Variants in TRPV1 observed in about 807,000 individuals in gnomAD.
TRPV1 encodes the protein OTRPC1.
TRPV1 carries 82 observed loss-of-function variants against 82.3 expected under a neutral mutation model. The ratio of observed to expected loss-of-function variants is 1.00; its 90% CI spans 0.83 to 1.20. The LOEUF is 1.20. Ranked by LOEUF, TRPV1 falls within the 50% of genes most tolerant of loss-of-function variation. TRPV1 has a pLI of 0.00. For synonymous variants in TRPV1, 515 were observed against 467.7 expected (o/e 1.10, Z -1.30); for missense variants, 1,067 against 1,096.8 (o/e 0.97, Z 0.38).
rs773966570 is a variant in TRPV1 at position 3,566,811 on chromosome 17, G to A, written c.*4C>T. 12 of 1,613,210 alleles carry A rather than the reference G, an allele frequency of 7.4e-6. No homozygotes were observed. Among genetic ancestry groups the A allele is most frequent in the South Asian group, 5.5e-5 (5 of 91,028 alleles). ...GTGTTGACAGTGCTGTCTGCGTGAC[G>A]TCCTCACTTCTCCCCGGAAGCGGCA... is the stretch of plus-strand genomic sequence containing the variant. On this transcript the variant is annotated 3_prime_UTR_variant, in exon 17 of 17. Coordinates refer to ENST00000572705, the MANE Select transcript of TRPV1 (RefSeq NM_080704.4).
In TRPV1 at chr17:3,585,767, C is replaced by G; in HGVS notation, c.1383+1G>C. 2.5e-6 allele frequency: 4 copies of G among 1,612,660 alleles called. No homozygotes were observed. The highest frequency in any genetic ancestry group is 2.5e-6 in the Non-Finnish European group (3 of 1,179,340). ...CACGAGGCCTGAGCCTCTGGCCGCA[C>G]CAAGCCATCCACGGGCCTGTAGTAG... is the stretch of plus-strand genomic sequence containing the variant. On this transcript the variant is annotated splice_donor_variant, in intron 9 of 16. Coordinates refer to ENST00000572705, the MANE Select transcript of TRPV1 (RefSeq NM_080704.4). LOFTEE classifies it high-confidence loss of function.
chr17:3,579,403 C>A (rs2074975978), intron 11 of TRPV1, among the ~76,000 whole-genome samples: 1 of 152,040 alleles, frequency 6.6e-6, no homozygotes, highest in Non-Finnish European at 1.5e-5. Flanking sequence ...CCTGGAAGGC[C>A]CTCGGTGCAC....
chr17:3,587,924 AT>A (rs1323996200), intron 8 of TRPV1, among the ~76,000 whole-genome samples: 3 of 151,900 alleles, frequency 2.0e-5, no homozygotes, highest in African/African-American at 7.3e-5. Flanking sequence ...GAAACTGTGC[AT>A]TTTTAAATAG....
chr17:3,583,828 T>TC (rs1227966085), intron 9 of TRPV1, among the ~76,000 whole-genome samples: 1 of 152,204 alleles, frequency 6.6e-6, no homozygotes, highest in East Asian at 1.9e-4. Context: ...TGTCAGGGAC[T>TC]CCCACTGACC....
intron 13 of TRPV1, among the ~76,000 whole-genome samples, chr17:3,575,725 C>G (rs745866652): frequency 6.6e-6 from 1 of 152,110 alleles, no homozygotes; most frequent in Non-Finnish European, 1.5e-5. Flanking sequence ...AGAAGTGAGA[C>G]GGACATCATG....
At chr17:3,587,876 C>T (rs1448119251) in intron 8 of TRPV1, among the ~76,000 whole-genome samples, 1 of 150,312 alleles carries the variant, frequency 6.7e-6, no homozygotes, top group African/African-American at 2.4e-5. Flanking sequence ...GGTTGTTGTA[C>T]ATTGTGTATA....
rs1348996706 is a variant in TRPV1 at position 3,589,804 on chromosome 17, T to C, written c.1044+3A>G. On this transcript the variant is annotated splice_donor_region_variant and intron_variant, in intron 7 of 16. Transcript: ENST00000572705. ...ACCAGCCTGAGCCGAAGCCCCCTCT[T>C]ACCCCGATCTTCCCGGTCCCAGCTG... 3.1e-6 allele frequency: 5 copies of C among 1,608,236 alleles called. No homozygotes were observed. The highest frequency in any genetic ancestry group is 2.5e-6 in the Non-Finnish European group (3 of 1,176,862).
chr17:3,566,960 G>A lies in TRPV1; in HGVS notation c.2375C>T (p.Ala792Val), dbSNP rs779974054. 5 of 1,613,878 alleles carry A rather than the reference G, an allele frequency of 3.1e-6. No individual in the cohort carries two copies. The South Asian group carries it at 4.4e-5, about 14-fold the overall frequency. The change falls in exon 17 of 17, where the codon GCC becomes GTC. Residue 792 changes from alanine to valine, a missense_variant. Physicochemically the swap from Ala to Val is moderately conservative, Grantham distance 64. Transcript: ENST00000572705. ...RVSGRHWKNF[A>V]LVPLLREASA... ...TGCCTCTCTTAAAAGGGGGACCAGG[G>A]CAAAGTTCTTCCAGTGTCTGCCTGA...
chr17:3,597,498 G>C (rs984849214), intron 2 of TRPV1, among the ~76,000 whole-genome samples: 13 of 152,028 alleles, frequency 8.6e-5, no homozygotes, highest in African/African-American at 2.7e-4. Context: ...TTGAGAGTCC[G>C]AGCAACCTTG....
Position 3,588,191 on chromosome 17 carries a change from G to A in TRPV1, c.1221C>T (p.Thr407=), listed in dbSNP as rs758919317. Residue 407 remains threonine (T), a synonymous_variant, in exon 8 of 17, where the codon ACC becomes ACT. Transcript: ENST00000572705. The part of the protein sequence containing the change: ...LEVIAYSSSE[T]PNRHDMLLVE... Reference sequence around the variant, plus strand: ...TGGCTGTGCCCCAGCCACTCACAGGGGTCTCGCTGCTGCTGTAGGCGATCA... The same window carrying A: ...TGGCTGTGCCCCAGCCACTCACAGGAGTCTCGCTGCTGCTGTAGGCGATCA... The A allele has an allele frequency of 3.8e-6, 6 of 1,558,454 alleles. No individual in the cohort carries two copies. Among genetic ancestry groups the A allele is most frequent in the South Asian group, 3.6e-5 (3 of 84,384 alleles).
chr17:3,573,562 T>A (rs2074888539), intron 14 of TRPV1, 71 bp downstream of exon 14: 4 of 96,872 alleles, frequency 4.1e-5, no homozygotes, highest in Non-Finnish European at 6.9e-5. Flanking sequence ...TGCAGCCAGC[T>A]GTGTAAGACA....
intron 16 of TRPV1, among the ~76,000 whole-genome samples, chr17:3,568,303 CAG>C (rs1337784210): frequency 7.6e-5 from 11 of 143,986 alleles, no homozygotes; most frequent in African/African-American, 2.6e-4. Flanking sequence ...GCCTGGGTGA[CAG>C]AGCCAGACTC....
intron 16 of TRPV1, among the ~76,000 whole-genome samples, chr17:3,568,074 G>A (rs2074794411): frequency 3.9e-5 from 6 of 152,170 alleles, no homozygotes; most frequent in Admixed American, 3.9e-4. Context: ...TGTAATCCCA[G>A]CACTGTGGGA....
intron 2 of TRPV1, among the ~76,000 whole-genome samples, chr17:3,601,374 AC>A (rs1208716505): frequency 6.8e-6 from 1 of 146,534 alleles, no homozygotes; most frequent in East Asian, 2.0e-4. Context: ...GCAACGCCCC[AC>A]CCCCGCACCC....
Position 3,585,931 on chromosome 17 carries a change from G to C in TRPV1, c.1225-5C>G, listed in dbSNP as rs201902077. 22 of 1,613,588 alleles carry C rather than the reference G, an allele frequency of 1.4e-5. No homozygotes were observed. Among genetic ancestry groups the C allele is most frequent in the Middle Eastern group, 3.3e-4 (2 of 6,062 alleles). ...CAAGAGCATGTCGTGGCGATTCTAGGGGGTGGGGAGAGAAGTGAGGTTCCC... is the reference window on the plus strand; with the variant it reads ...CAAGAGCATGTCGTGGCGATTCTAGCGGGTGGGGAGAGAAGTGAGGTTCCC... On this transcript the variant is annotated splice_region_variant and splice_polypyrimidine_tract_variant and intron_variant, in intron 8 of 16. Coordinates refer to ENST00000572705, the MANE Select transcript of TRPV1 (RefSeq NM_080704.4).
At chr17:3,576,653 G>GAA (rs35781190) in intron 13 of TRPV1, among the ~76,000 whole-genome samples, 1,392 of 41,450 alleles carry the variant, frequency 0.034, 79 homozygotes, top group South Asian at 0.053. Flanking sequence ...CTCTGTATGA[G>GAA]AAAAAAAAAA....
At chr17:3,567,605 C>T (rs1302000830) in intron 16 of TRPV1, among the ~76,000 whole-genome samples, 3 of 151,880 alleles carry the variant, frequency 2.0e-5, no homozygotes, top group Non-Finnish European at 4.4e-5. Context: ...TCCATCTCCT[C>T]CCTGCCCCAG....
chr17:3,584,779 G>C (rs1349894328), intron 9 of TRPV1, among the ~76,000 whole-genome samples: 2 of 152,218 alleles, frequency 1.3e-5, no homozygotes, highest in African/African-American at 4.8e-5. Context: ...CTGGGTGATA[G>C]AGCGAGACTC....
At chr17:3,600,330 G>A (rs2075251469) in intron 2 of TRPV1, among the ~76,000 whole-genome samples, 1 of 152,204 alleles carries the variant, frequency 6.6e-6, no homozygotes, top group South Asian at 2.1e-4. Context: ...GCTCAAGCCT[G>A]TAATCCTAGC....
Sources: gnomAD v4.1 joint callset for allele counts (sites outside exome capture counted in the v4.1 genomes callset) on GRCh38, gnomAD v4.1.1 for gene constraint, MANE v1.5 for transcripts, NCBI Gene and HGNC (gene_info 2026-07-23, HGNC 2026-07-21) for gene names.